The following TLN2 variants were observed in gnomAD, a reference collection of about 807,000 sequenced individuals.
TLN2 encodes the protein talin-2.
In TLN2, 118 loss-of-function variants were observed where a neutral mutation model predicts 294.7. That is an observed-to-expected ratio of 0.40 (90% CI 0.34 to 0.47). TLN2 has a LOEUF of 0.47. Among genes scored for constraint, TLN2 ranks in the 20% least tolerant of loss-of-function variants. The pLI, the probability that TLN2 is intolerant of heterozygous loss-of-function variation, is 0.84. For synonymous variants in TLN2, 1,431 were observed against 1,304.5 expected (o/e 1.10, Z -2.09); for missense variants, 3,083 against 3,282.2 (o/e 0.94, Z 1.48).
At position 62,638,231 on chromosome 15, in the gene TLN2, C is replaced by A. The variant is rs75782460; in HGVS notation, c.-36-9044C>A. 3.0e-3 allele frequency: 944 copies of A among 316,168 alleles called. 3 individuals are homozygous for A. Among genetic ancestry groups the A allele is most frequent in the Middle Eastern group, 8.0e-3 (7 of 880 alleles). The allele number at this position is 316,168 out of a possible 1,614,324, so 19.6% of individuals were successfully genotyped here. ...CAGAGTTCTAGTGTGTTCTGTAGTG[C>A]ACTACCCCTTCCTCAGCAGAATTTC... is the stretch of plus-strand genomic sequence containing the variant. On this transcript the variant is annotated intron_variant, in intron 3 of 58. Coordinates refer to ENST00000636159, the MANE Select transcript of TLN2 (RefSeq NM_015059.3).
At chr15:62,506,989 G>T (rs1389595866) in intron 1 of TLN2, among the ~76,000 whole-genome samples, 1 of 152,230 alleles carries the variant, frequency 6.6e-6, no homozygotes, top group Non-Finnish European at 1.5e-5. Context: ...ACTGGTGACA[G>T]ATGATAAATA....
intron 42 of TLN2, among the ~76,000 whole-genome samples, chr15:62,774,794 G>A (rs2063582309): frequency 6.6e-6 from 1 of 152,078 alleles, no homozygotes; most frequent in South Asian, 2.1e-4. Flanking sequence ...CCTTTAAATT[G>A]TTGAAGGAGT....
chr15:62,526,662 A>G (rs1048102923), intron 1 of TLN2, among the ~76,000 whole-genome samples: 3 of 152,236 alleles, frequency 2.0e-5, no homozygotes, highest in African/African-American at 4.8e-5. Flanking sequence ...AAACAGAAGC[A>G]AACATTTTAA....
At chr15:62,410,580 T>C (rs289157) in intron 1 of TLN2, among the ~76,000 whole-genome samples, 90,603 of 152,106 alleles carry the variant, frequency 0.6, 28,189 homozygotes, top group Middle Eastern at 0.8. Context: ...TGTTTCATAC[T>C]TGTTTGAAAA....
At position 62,777,213 on chromosome 15, in the gene TLN2, G is replaced by A. The variant is rs567506651; in HGVS notation, c.5514+303G>A. On this transcript the variant is annotated intron_variant, in intron 43 of 58. Transcript: ENST00000636159. ...TTATCTACTTCATAGGGTTTGTTGT[G>A]GGGGAACAATTGCCAAAATGAAATA... is the stretch of plus-strand genomic sequence containing the variant. Among the ~76,000 whole-genome samples, 4 of 148,926 alleles carry A rather than the reference G, an allele frequency of 2.7e-5. No homozygotes were observed. In the South Asian group the frequency reaches 8.6e-4, roughly 32 times the overall value.
intron 1 of TLN2, among the ~76,000 whole-genome samples, chr15:62,446,744 C>G (rs1416267307): frequency 1.3e-5 from 2 of 152,132 alleles, no homozygotes; most frequent in Non-Finnish European, 2.9e-5. Flanking sequence ...ACAATGTATT[C>G]AGTATCTCTA....
chr15:62,506,539 C>T (rs1252052142), intron 1 of TLN2, among the ~76,000 whole-genome samples: 1 of 152,216 alleles, frequency 6.6e-6, no homozygotes, highest in Non-Finnish European at 1.5e-5. Context: ...AGCCCTCCTG[C>T]CAGGAGATCC....
rs1002035294 is a variant in TLN2 at position 62,655,880 on chromosome 15, T to C, written c.518-64T>C. On this transcript the variant is annotated intron_variant, in intron 7 of 58. Coordinates refer to ENST00000636159, the MANE Select transcript of TLN2 (RefSeq NM_015059.3). Reference sequence around the variant, plus strand: ...AATCTGCATCACACTGCTCTTTTGGTAAATTCCCTTTAATTAACAGGAAAA... The same window carrying C: ...AATCTGCATCACACTGCTCTTTTGGCAAATTCCCTTTAATTAACAGGAAAA... The C allele has an allele frequency of 3.1e-5, 49 of 1,587,468 alleles. No individual in the cohort carries two copies. The Middle Eastern group carries it at 1.3e-3, about 43-fold the overall frequency.
intron 3 of TLN2, among the ~76,000 whole-genome samples, chr15:62,625,347 C>T (rs1170505549): frequency 6.6e-6 from 1 of 152,106 alleles, no homozygotes; most frequent in African/African-American, 2.4e-5. Context: ...TTGTGGAGTC[C>T]CCTCCACTAG....
At position 62,445,780 on chromosome 15, in the gene TLN2, C is replaced by T. The variant is rs114894413; in HGVS notation, c.-238+55095C>T. Among the ~76,000 whole-genome samples, 1,146 of 152,040 alleles carry T rather than the reference C, an allele frequency of 7.5e-3. 12 individuals carry two copies. Among genetic ancestry groups the T allele is most frequent in the African/African-American group, 0.026 (1,085 of 41,448 alleles). ...CTGGGCTCAAAGAATCCTTTCACCT[C>T]AGCCTCCCAAGTATCTGGAACTACA... On this transcript the variant is annotated intron_variant, in intron 1 of 58. Transcript: ENST00000636159.
intron 57 of TLN2, among the ~76,000 whole-genome samples, chr15:62,837,583 A>G (rs1168524725): frequency 6.6e-6 from 1 of 152,158 alleles, no homozygotes; most frequent in African/African-American, 2.4e-5. Flanking sequence ...TGGATGTTGC[A>G]ATGTTTTATT....
At chr15:62,562,837 T>G (rs1295295485) in intron 1 of TLN2, among the ~76,000 whole-genome samples, 1 of 151,444 alleles carries the variant, frequency 6.6e-6, no homozygotes, top group Non-Finnish European at 1.5e-5. Flanking sequence ...AGAATAATAG[T>G]CTCCAGTTCC....
chr15:62,444,993 A>G (rs1399197121), intron 1 of TLN2, among the ~76,000 whole-genome samples: 3 of 152,222 alleles, frequency 2.0e-5, no homozygotes, highest in Non-Finnish European at 4.4e-5. Context: ...ACAAAATTAC[A>G]GTTATTATGT....
intron 1 of TLN2, among the ~76,000 whole-genome samples, chr15:62,455,332 C>T (rs1595845352): frequency 6.6e-6 from 1 of 152,118 alleles, no homozygotes; most frequent in East Asian, 1.9e-4. Context: ...TCAGCCGCGC[C>T]TTCAGCAATC....
At chr15:62,650,526 C>T (rs1019367931) in intron 5 of TLN2, among the ~76,000 whole-genome samples, 1 of 152,064 alleles carries the variant, frequency 6.6e-6, no homozygotes. Context: ...GAGGGAAAAA[C>T]GAAATGTAAC....
intron 1 of TLN2, among the ~76,000 whole-genome samples, chr15:62,395,465 C>T (rs934332968): frequency 7.2e-5 from 11 of 152,038 alleles, no homozygotes; most frequent in African/African-American, 2.7e-4. Context: ...CTCGATGGGG[C>T]AGGGTGGGAA....
intron 3 of TLN2, among the ~76,000 whole-genome samples, chr15:62,633,730 G>T (rs1179295796): frequency 6.6e-6 from 1 of 152,046 alleles, no homozygotes; most frequent in Non-Finnish European, 1.5e-5. Context: ...ATCCTAATTG[G>T]GCCTGTATTT....
intron 14 of TLN2, among the ~76,000 whole-genome samples, chr15:62,695,370 C>G (rs1405315218): frequency 6.6e-6 from 1 of 152,168 alleles, no homozygotes; most frequent in Non-Finnish European, 1.5e-5. Context: ...GACCATTCTT[C>G]CTGCTTGCCT....
chr15:62,614,190 T>G (rs1173314013), intron 2 of TLN2, among the ~76,000 whole-genome samples: 1 of 152,248 alleles, frequency 6.6e-6, no homozygotes, highest in African/African-American at 2.4e-5. Flanking sequence ...TAGGTTTTGC[T>G]GTGCTGCTGT....
Sources: gnomAD v4.1 joint callset for allele counts (sites outside exome capture counted in the v4.1 genomes callset) on GRCh38, gnomAD v4.1.1 for gene constraint, MANE v1.5 for transcripts, NCBI Gene and HGNC (gene_info 2026-07-23, HGNC 2026-07-21) for gene names.